Variants in TOGARAM1 observed in about 807,000 individuals in gnomAD.
TOGARAM1 encodes the protein TOG array regulator of axonemal microtubules protein 1.
TOGARAM1 carries 100 observed loss-of-function variants against 166.6 expected under a neutral mutation model. The ratio of observed to expected loss-of-function variants is 0.60; its 90% CI spans 0.51 to 0.71. The LOEUF (loss-of-function observed/expected upper bound fraction) is 0.71. Among genes scored for constraint, TOGARAM1 ranks in the 30% least tolerant of loss-of-function variants. The pLI, the probability that TOGARAM1 is intolerant of heterozygous loss-of-function variation, is 0.00. For missense variants in TOGARAM1, 2,029 were observed against 2,102.7 expected (o/e 0.96, Z 0.69); for synonymous variants, 758 against 763.8 (o/e 0.99, Z 0.13).
intron 1 of TOGARAM1, among the ~76,000 whole-genome samples, chr14:44,969,097 A>ATTTC (rs1179047393): frequency 6.4e-5 from 9 of 140,588 alleles, no homozygotes; most frequent in African/African-American, 1.4e-4. Context: ...TTGATACCTC[A>ATTTC]TTTCTTTCTT....
At chr14:45,031,496 A>G (rs1362161783) in intron 10 of TOGARAM1, among the ~76,000 whole-genome samples, 9 of 152,166 alleles carry the variant, frequency 5.9e-5, no homozygotes, top group African/African-American at 2.2e-4. Context: ...GATAGAGAAA[A>G]TCAACTAGAA....
intron 11 of TOGARAM1, among the ~76,000 whole-genome samples, chr14:45,035,256 C>T (rs1011628206): frequency 2.6e-5 from 4 of 151,592 alleles, no homozygotes; most frequent in Non-Finnish European, 4.4e-5. Context: ...GCTACTGGGG[C>T]GACTGGGGCA....
chr14:45,049,149 A>G (rs960900068), intron 14 of TOGARAM1, among the ~76,000 whole-genome samples: 1 of 145,672 alleles, frequency 6.9e-6, no homozygotes, highest in African/African-American at 2.5e-5. Context: ...CCTTAACACC[A>G]CTCACATTTC....
At chr14:45,036,116 C>A (rs1270301536) in intron 11 of TOGARAM1, among the ~76,000 whole-genome samples, 9 of 43,798 alleles carry the variant, frequency 2.1e-4, no homozygotes, top group Admixed American at 3.7e-4. Flanking sequence ...AGCAACAGAA[C>A]AAGACCTTGT....
chr14:45,019,830 A>G (rs927897298), intron 7 of TOGARAM1, among the ~76,000 whole-genome samples: 1 of 152,176 alleles, frequency 6.6e-6, no homozygotes, highest in African/African-American at 2.4e-5. Flanking sequence ...TCTCAACAGG[A>G]AAACTCAAGT....
intron 11 of TOGARAM1, among the ~76,000 whole-genome samples, chr14:45,042,892 G>A (rs1881797794): frequency 6.6e-6 from 1 of 152,150 alleles, no homozygotes; most frequent in Non-Finnish European, 1.5e-5. Context: ...AAATATTACT[G>A]CTCATTGACA....
At chr14:45,069,630 T>G (rs75085289) in intron 18 of TOGARAM1, among the ~76,000 whole-genome samples, 2,435 of 152,244 alleles carry the variant, frequency 0.016, 73 homozygotes, top group African/African-American at 0.055. Flanking sequence ...TCAACATCAC[T>G]AGCCATCCGG....
chr14:45,042,337 A>C (rs1288247000), intron 11 of TOGARAM1: 4 of 152,084 alleles, frequency 2.6e-5, no homozygotes, highest in Admixed American at 1.3e-4. Context: ...CCTTACCAAA[A>C]ATTGTAACTC....
In TOGARAM1 at chr14:44,962,585, G is replaced by A. The variant is rs1326889530; in HGVS notation, c.164G>A (p.Gly55Glu). ...EKNYYFRGAA[G>E]DHGSCPTTTS... ...AACTACTACTTCCGTGGAGCTGCGGGGGACCACGGTTCCTGCCCCACTACA... is the reference window on the plus strand; with the variant it reads ...AACTACTACTTCCGTGGAGCTGCGGAGGACCACGGTTCCTGCCCCACTACA... Residue 55 changes from glycine to glutamate, a missense_variant, in exon 1 of 20, where the codon GGG (glycine) becomes GAG (glutamate). Coordinates refer to ENST00000361462, the MANE Select transcript of TOGARAM1 (RefSeq NM_001308120.2). The A allele has an allele frequency of 6.2e-7, 1 of 1,613,888 alleles. No homozygotes were observed. The highest frequency in any genetic ancestry group is 1.1e-5 in the South Asian group (1 of 91,050).
chr14:45,013,679 T>C (rs1467470318), intron 7 of TOGARAM1, among the ~76,000 whole-genome samples: 1 of 152,224 alleles, frequency 6.6e-6, no homozygotes. Context: ...AAGCAACTAG[T>C]GCATAGTAGG....
chr14:44,966,901 T>C (rs1296690079), intron 1 of TOGARAM1, among the ~76,000 whole-genome samples: 1 of 152,072 alleles, frequency 6.6e-6, no homozygotes, highest in Non-Finnish European at 1.5e-5. Context: ...ACTGCAGCAG[T>C]GAGCCATGAT....
chr14:44,964,248 T>TA lies in TOGARAM1; in HGVS notation c.1828dup (p.Thr610AsnfsTer8). ...CAAACCATTTGGCACATGGAGCAGA[T>TA]ACGGACTGGCTTTTGGCTGGTAACA... On this transcript the variant is annotated frameshift_variant, in exon 1 of 20. Coordinates refer to ENST00000361462, the MANE Select transcript of TOGARAM1 (RefSeq NM_001308120.2). LOFTEE classifies it high-confidence loss of function. 6.2e-7 allele frequency: 1 copy of TA among 1,614,156 alleles called. No homozygotes were observed.
At chr14:44,992,469 G>A (rs1887193094) in intron 1 of TOGARAM1, among the ~76,000 whole-genome samples, 1 of 152,034 alleles carries the variant, frequency 6.6e-6, no homozygotes, top group African/African-American at 2.4e-5. Context: ...GAGAGAATTA[G>A]ATATTAAAAG....
At chr14:44,975,876 T>G (rs996413488) in intron 1 of TOGARAM1, among the ~76,000 whole-genome samples, 1 of 150,676 alleles carries the variant, frequency 6.6e-6, no homozygotes, top group Non-Finnish European at 1.5e-5. Context: ...TTGTTAACAA[T>G]ATAAGAATAT....
chr14:45,005,560 G>A (rs913361901), intron 4 of TOGARAM1, among the ~76,000 whole-genome samples: 3 of 152,150 alleles, frequency 2.0e-5, no homozygotes, highest in African/African-American at 7.2e-5. Context: ...GTTGCAGTGA[G>A]CTGAGGTGGC....
At chr14:44,979,172 T>TTAATAATAA (rs144833686) in intron 1 of TOGARAM1, among the ~76,000 whole-genome samples, 1 of 151,454 alleles carries the variant, frequency 6.6e-6, no homozygotes, top group Non-Finnish European at 1.5e-5. Context: ...TAAGTCACCA[T>TTAATAATAA]TAATAATAAT....
At chr14:45,046,830 G>C in intron 14 of TOGARAM1, 127 bp downstream of exon 14, 1 of 745,510 alleles carries the variant, frequency 1.3e-6, no homozygotes, top group Non-Finnish European at 1.9e-6. Flanking sequence ...ATTGGTGCTG[G>C]GGGATGGTCT....
intron 11 of TOGARAM1, among the ~76,000 whole-genome samples, chr14:45,035,244 C>T (rs1297430039): frequency 6.6e-6 from 1 of 152,052 alleles, no homozygotes; most frequent in Non-Finnish European, 1.5e-5. Context: ...CCTGTAGTCC[C>T]AGCTACTGGG....
In TOGARAM1 at chr14:45,066,566, C is replaced by A; in HGVS notation, c.4560-12C>A. ...TACAAATGAAATTACCTTCACCTTT[C>A]TTTCACTTTAGAGCTGTAACTGAAG... On this transcript the variant is annotated splice_polypyrimidine_tract_variant and intron_variant, in intron 16 of 19. Coordinates refer to ENST00000361462, the MANE Select transcript of TOGARAM1 (RefSeq NM_001308120.2). The A allele has an allele frequency of 6.3e-7, 1 of 1,575,668 alleles. No homozygotes were observed. Among genetic ancestry groups the A allele is most frequent in the South Asian group, 1.2e-5 (1 of 86,776 alleles).
Sources: allele counts gnomAD v4.1 joint callset (sites outside exome capture counted in the v4.1 genomes callset), GRCh38; gene constraint gnomAD v4.1.1; transcripts MANE v1.5; gene names NCBI Gene and HGNC (gene_info 2026-07-23, HGNC 2026-07-21).